Variants in TUBA1C observed in about 807,000 individuals in gnomAD.
The protein encoded by TUBA1C is tubulin alpha-1C chain.
In TUBA1C, 16 loss-of-function variants were observed where a neutral mutation model predicts 34.9. The observed-to-expected ratio is 0.46, with a 90% CI of 0.31 to 0.70. The LOEUF (loss-of-function observed/expected upper bound fraction) is 0.70. TUBA1C is among the 30% of genes least tolerant of loss of function. The pLI, the probability that TUBA1C is intolerant of heterozygous loss-of-function variation, is 0.05. For synonymous variants in TUBA1C, 177 were observed against 215.9 expected, an observed-to-expected ratio of 0.82 and a Z score of 1.58; for missense variants, 329 against 587.3, an observed-to-expected ratio of 0.56 and a Z score of 4.55.
At chr12:49,236,115 T>A (rs1592272852) in intron 1 of TUBA1C, among the ~76,000 whole-genome samples, 1 of 152,252 alleles carries the variant, frequency 6.6e-6, no homozygotes, top group African/African-American at 2.4e-5. Flanking sequence ...CGGTTTGATA[T>A]AAGATCATGA....
intron 1 of TUBA1C, chr12:49,234,156 G>A (rs1942525952): frequency 6.6e-6 from 1 of 152,272 alleles, no homozygotes; most frequent in Admixed American, 6.5e-5. Flanking sequence ...AAAAACGAGG[G>A]GCCACAGTCA....
chr12:49,264,480 C>A (rs1313872150), upstream of TUBA1C, among the ~76,000 whole-genome samples: 1 of 152,048 alleles, frequency 6.6e-6, no homozygotes, highest in Non-Finnish European at 1.5e-5. Flanking sequence ...GGGGAGCGGG[C>A]GCCCGCGGGC....
At chr12:49,238,542 T>G (rs1565638987) in intron 1 of TUBA1C, among the ~76,000 whole-genome samples, 1 of 152,220 alleles carries the variant, frequency 6.6e-6, no homozygotes, top group Non-Finnish European at 1.5e-5. Context: ...TGGCTATAAA[T>G]GAGGGTTCCC....
intron 1 of TUBA1C, among the ~76,000 whole-genome samples, chr12:49,235,373 T>C (rs757506854): frequency 6.6e-5 from 10 of 152,302 alleles, no homozygotes; most frequent in South Asian, 2.1e-4. Context: ...TGCAAGGCCC[T>C]TTCCGGAAAG....
chr12:49,260,303 C>T (rs1250573616), upstream of TUBA1C, among the ~76,000 whole-genome samples: 1 of 152,060 alleles, frequency 6.6e-6, no homozygotes, highest in Non-Finnish European at 1.5e-5. Context: ...GTCAAAGGAA[C>T]CGGTTCAGTT....
intron 2 of TUBA1C, 62 bp downstream of exon 2, chr12:49,269,749 G>T (rs552058358): frequency 1.2e-6 from 2 of 1,608,756 alleles, no homozygotes; most frequent in South Asian, 1.1e-5. Context: ...GTCTGTCCTG[G>T]GGGGGCTCCG....
intron 1 of TUBA1C, among the ~76,000 whole-genome samples, chr12:49,252,260 T>A (rs1482333409): frequency 6.6e-6 from 1 of 152,214 alleles, no homozygotes; most frequent in East Asian, 1.9e-4. Flanking sequence ...TCTAATAAAA[T>A]TTTAAGTGTC....
At chr12:49,265,255 C>T (rs1592285460) in intron 1 of TUBA1C, 71 bp downstream of exon 1, 1 of 1,380,326 alleles carries the variant, frequency 7.2e-7, no homozygotes, top group Non-Finnish European at 1.0e-6. Context: ...AAACTACTGC[C>T]TGCACCTCGG....
chr12:49,268,663 A>C (rs1237332701), intron 1 of TUBA1C, among the ~76,000 whole-genome samples: 1 of 152,160 alleles, frequency 6.6e-6, no homozygotes, highest in East Asian at 1.9e-4. Context: ...AGATTCTTCC[A>C]CTTGGTTAAA....
At chr12:49,242,672 C>T (rs1197751320) in intron 1 of TUBA1C, among the ~76,000 whole-genome samples, 1 of 151,258 alleles carries the variant, frequency 6.6e-6, no homozygotes, top group Admixed American at 6.6e-5. Context: ...GTTATTTATA[C>T]AGACAGGGTC....
At chr12:49,243,104 G>A (rs148938272) in intron 1 of TUBA1C, among the ~76,000 whole-genome samples, 326 of 152,220 alleles carry the variant, frequency 2.1e-3, no homozygotes, top group Middle Eastern at 0.014. Flanking sequence ...CACCGTGCCC[G>A]GTCGTGACTT....
chr12:49,266,990 C>G (rs1942923035), intron 1 of TUBA1C, among the ~76,000 whole-genome samples: 1 of 152,132 alleles, frequency 6.6e-6, no homozygotes, highest in Non-Finnish European at 1.5e-5. Flanking sequence ...AGCAGGAGAG[C>G]GGCAGCGGAC....
chr12:49,269,592 G>T lies in TUBA1C; in HGVS notation c.131G>T (p.Gly44Val). 1 of 1,614,208 alleles carries T rather than the reference G, an allele frequency of 6.2e-7. No homozygotes were observed. Among genetic ancestry groups the T allele is most frequent in the Non-Finnish European group, 8.5e-7 (1 of 1,180,040 alleles). Residue 44 changes from glycine to valine, a missense_variant, in exon 2 of 4, where the codon GGA becomes GTA. Transcript: ENST00000301072. ...ATGCCAAGTGACAAGACCATTGGGG[G>T]AGGAGATGATTCCTTCAACACCTTC... ...GQMPSDKTIG[G>V]GDDSFNTFFS... is the part of the protein sequence containing the mutation.
intron 1 of TUBA1C, 34 bp from the exon 2 acceptor site, chr12:49,269,431 T>A (rs995564472): frequency 6.2e-7 from 1 of 1,613,404 alleles, no homozygotes; most frequent in Non-Finnish European, 8.5e-7. Context: ...TCTGATGTAT[T>A]ATACCCTGAC....
chr12:49,253,773 C>G (rs1942754381), intron 1 of TUBA1C, among the ~76,000 whole-genome samples: 1 of 152,178 alleles, frequency 6.6e-6, no homozygotes, highest in East Asian at 1.9e-4. Context: ...AGCGATCTTC[C>G]TGCTTCTGCC....
At chr12:49,254,943 T>C (rs1012407652) in intron 1 of TUBA1C, among the ~76,000 whole-genome samples, 2 of 151,880 alleles carry the variant, frequency 1.3e-5, no homozygotes, top group Non-Finnish European at 2.9e-5. Context: ...GCAAAACACA[T>C]ATATTTTTTT....
chr12:49,241,576 T>C (rs1046111478), intron 1 of TUBA1C, among the ~76,000 whole-genome samples: 2 of 152,124 alleles, frequency 1.3e-5, no homozygotes, highest in African/African-American at 4.8e-5. Context: ...CAATTTCTGG[T>C]GTATGATAAA....
At chr12:49,241,004 C>T (rs762732557) in intron 1 of TUBA1C, among the ~76,000 whole-genome samples, 4 of 151,984 alleles carry the variant, frequency 2.6e-5, no homozygotes, top group Non-Finnish European at 4.4e-5. Flanking sequence ...TGGGTTCAAG[C>T]GATTCTCCCG....
chr12:49,241,192 A>C (rs1174118515), intron 1 of TUBA1C, among the ~76,000 whole-genome samples: 1 of 151,924 alleles, frequency 6.6e-6, no homozygotes, highest in Admixed American at 6.6e-5. Context: ...TTGAGCCACC[A>C]TGCCTGGTCC....
Sources: allele counts gnomAD v4.1 joint callset (sites outside exome capture counted in the v4.1 genomes callset), GRCh38; gene constraint gnomAD v4.1.1; transcripts MANE v1.5; gene names NCBI Gene and HGNC (gene_info 2026-07-23, HGNC 2026-07-21).